Variants in CNTN5 observed in about 807,000 individuals in gnomAD.
CNTN5 encodes contactin 5, also known as contactin-5.
In CNTN5, 77 loss-of-function variants were observed where a neutral mutation model predicts 129.1. The observed-to-expected ratio is 0.60, with a 90% CI of 0.50 to 0.72. The LOEUF (loss-of-function observed/expected upper bound fraction) is 0.72. Ranked by LOEUF, CNTN5 falls within the 30% of genes least tolerant of loss-of-function variation. The pLI is 0.00. For synonymous variants in CNTN5, 509 were observed against 465.6 expected, an observed-to-expected ratio of 1.09 and a Z score of -1.20; for missense variants, 1,478 against 1,328.8, an observed-to-expected ratio of 1.11 and a Z score of -1.75.
rs113478448 is a variant in CNTN5 at position 99,630,265 on chromosome 11, T to C, written c.55+73996T>C. ...GTATATACATATATATATATATATA[T>C]ATATGTATATACACATAATATGGTT... On this transcript the variant is annotated intron_variant, in intron 3 of 24. Coordinates refer to ENST00000524871, the MANE Select transcript of CNTN5 (RefSeq NM_014361.4). Among the ~76,000 whole-genome samples the C allele has an allele frequency of 2.0e-5, 3 of 151,498 alleles. No homozygotes were observed. In the South Asian group the frequency reaches 6.2e-4, roughly 32 times the overall value.
At chr11:99,781,313 C>A (rs1420427994) in intron 3 of CNTN5, among the ~76,000 whole-genome samples, 2 of 151,996 alleles carry the variant, frequency 1.3e-5, no homozygotes, top group African/African-American at 4.8e-5. Context: ...TAACAGATGG[C>A]ACTTATATTT....
At chr11:99,479,209 T>C (rs1034574803) in intron 2 of CNTN5, among the ~76,000 whole-genome samples, 1 of 151,978 alleles carries the variant, frequency 6.6e-6, no homozygotes, top group African/African-American at 2.4e-5. Context: ...ACTGTGAATA[T>C]TGATAACACT....
At chr11:100,261,465 A>G (rs1330686520) in intron 17 of CNTN5, among the ~76,000 whole-genome samples, 3 of 152,160 alleles carry the variant, frequency 2.0e-5, no homozygotes, top group Non-Finnish European at 2.9e-5. Flanking sequence ...TTCATGTGGA[A>G]CCAAAAAAGA....
At chr11:99,132,120 C>A (rs4313545) in intron 1 of CNTN5, among the ~76,000 whole-genome samples, 138,209 of 152,140 alleles carry the variant, frequency 0.91, 62,973 homozygotes, top group East Asian at 0.99. Flanking sequence ...AGCATAATTC[C>A]TCACATAAAC....
chr11:100,162,936 A>G (rs2138370847), intron 13 of CNTN5, among the ~76,000 whole-genome samples: 1 of 151,990 alleles, frequency 6.6e-6, no homozygotes, highest in Admixed American at 6.6e-5. Context: ...CATTTCTGGA[A>G]TGCCAAATGA....
chr11:99,592,757 A>G (rs1486473549), intron 3 of CNTN5, among the ~76,000 whole-genome samples: 2 of 152,200 alleles, frequency 1.3e-5, no homozygotes, highest in East Asian at 1.9e-4. Context: ...GAAGTAGAAC[A>G]TGATCATATT....
At chr11:99,450,628 C>T (rs1044772368) in intron 2 of CNTN5, among the ~76,000 whole-genome samples, 1 of 152,184 alleles carries the variant, frequency 6.6e-6, no homozygotes, top group Admixed American at 6.5e-5. Flanking sequence ...CCCTGCCTAA[C>T]TAAACCCAGT....
intron 4 of CNTN5, among the ~76,000 whole-genome samples, chr11:99,820,320 C>G (rs73557513): frequency 5.9e-3 from 892 of 152,282 alleles, no homozygotes; most frequent in African/African-American, 0.02. Flanking sequence ...TAAAACAGAC[C>G]TATCCTTCAA....
intron 15 of CNTN5, among the ~76,000 whole-genome samples, chr11:100,215,416 C>A (rs1466261685): frequency 6.6e-6 from 1 of 152,172 alleles, no homozygotes; most frequent in Non-Finnish European, 1.5e-5. Flanking sequence ...TAATCTACCA[C>A]AGTGAACAAG....
chr11:99,128,798 C>T (rs192122080), intron 1 of CNTN5, among the ~76,000 whole-genome samples: 5 of 152,076 alleles, frequency 3.3e-5, no homozygotes, highest in Admixed American at 2.6e-4. Context: ...TGTTCTACAG[C>T]CTCCACTGGT....
chr11:99,906,902 T>G (rs1050995247), intron 6 of CNTN5, among the ~76,000 whole-genome samples: 4 of 151,642 alleles, frequency 2.6e-5, no homozygotes, highest in South Asian at 2.1e-4. Flanking sequence ...ATTTTCTAGT[T>G]TATTTGCATA....
intron 3 of CNTN5, among the ~76,000 whole-genome samples, chr11:99,629,435 A>T (rs1377410516): frequency 6.6e-6 from 1 of 151,972 alleles, no homozygotes; most frequent in African/African-American, 2.4e-5. Context: ...TTTTCTCAGG[A>T]TCTATTAAGA....
intron 2 of CNTN5, among the ~76,000 whole-genome samples, chr11:99,433,644 C>A (rs1943488487): frequency 6.6e-6 from 1 of 152,014 alleles, no homozygotes; most frequent in Non-Finnish European, 1.5e-5. Flanking sequence ...TCAATGAATA[C>A]CATTATGAAA....
At chr11:99,474,742 CT>C (rs1945304900) in intron 2 of CNTN5, among the ~76,000 whole-genome samples, 2 of 152,178 alleles carry the variant, frequency 1.3e-5, no homozygotes, top group South Asian at 4.1e-4. Flanking sequence ...TCAAATAAAT[CT>C]TAAAAGTTTC....
At chr11:99,531,088 C>T (rs895694422) in intron 2 of CNTN5, among the ~76,000 whole-genome samples, 12 of 152,262 alleles carry the variant, frequency 7.9e-5, no homozygotes, top group African/African-American at 2.9e-4. Flanking sequence ...TTGGAACTTC[C>T]TAGAGACTTG....
At chr11:99,182,764 C>A (rs769895678) in intron 1 of CNTN5, among the ~76,000 whole-genome samples, 2 of 152,132 alleles carry the variant, frequency 1.3e-5, no homozygotes, top group Non-Finnish European at 2.9e-5. Flanking sequence ...AACATTGTAA[C>A]AGTTTGCTTC....
At chr11:99,745,221 A>G (rs2135183120) in intron 3 of CNTN5, among the ~76,000 whole-genome samples, 1 of 152,310 alleles carries the variant, frequency 6.6e-6, no homozygotes, top group Middle Eastern at 3.4e-3. Flanking sequence ...ACAATGGTAA[A>G]ACAGAATTGA....
chr11:99,221,612 A>G (rs925712813), intron 1 of CNTN5, among the ~76,000 whole-genome samples: 7 of 151,950 alleles, frequency 4.6e-5, no homozygotes, highest in Admixed American at 2.6e-4. Flanking sequence ...ATTAATAATC[A>G]TAGCCTTTTT....
chr11:99,307,748 G>A (rs572233933), intron 1 of CNTN5, among the ~76,000 whole-genome samples: 2 of 152,148 alleles, frequency 1.3e-5, no homozygotes, highest in Non-Finnish European at 1.5e-5. Flanking sequence ...GGCCTGTCAA[G>A]TTGGAGGCCA....
Sources: gnomAD v4.1 joint callset for allele counts (sites outside exome capture counted in the v4.1 genomes callset) on GRCh38, gnomAD v4.1.1 for gene constraint, MANE v1.5 for transcripts, NCBI Gene and HGNC (gene_info 2026-07-23, HGNC 2026-07-21) for gene names.